The following HMCN2 variants were observed in gnomAD, a reference collection of about 807,000 sequenced individuals.
HMCN2 encodes hemicentin-2.
Under a neutral mutation model 377.5 loss-of-function variants are expected in HMCN2, and 325 were observed. The observed-to-expected ratio is 0.86, with a 90% CI of 0.79 to 0.94. The LOEUF is 0.94. HMCN2 is among the 40% of genes least tolerant of loss of function. The pLI, the probability that HMCN2 is intolerant of heterozygous loss-of-function variation, is 0.00. For missense variants in HMCN2, 4,543 were observed against 4,725.3 expected, an observed-to-expected ratio of 0.96 and a Z score of 1.13; for synonymous variants, 2,007 against 2,046.8, an observed-to-expected ratio of 0.98 and a Z score of 0.53.
At chr9:130,410,697 G>A (rs572549464) in intron 85 of HMCN2, 45 bp downstream of exon 85, 42 of 1,514,638 alleles carry the variant, frequency 2.8e-5, no homozygotes, top group Admixed American at 3.9e-5. Flanking sequence ...AAGTGTGCTC[G>A]GGGACAGCGG....
At chr9:130,322,319 AATCTATCTATCT>A (rs1203579796) in intron 19 of HMCN2, among the ~76,000 whole-genome samples, 6 of 149,382 alleles carry the variant, frequency 4.0e-5, no homozygotes, top group African/African-American at 1.5e-4. Flanking sequence ...CTATCTATCT[AATCTATCTATCT>A]ATCTATCTAT....
chr9:130,292,981 T>TCTATCTAC (rs1554930552), intron 4 of HMCN2, among the ~76,000 whole-genome samples: 40 of 141,702 alleles, frequency 2.8e-4, no homozygotes, highest in African/African-American at 9.3e-4. Context: ...TATCTATCTA[T>TCTATCTAC]CTATCTATCT....
Position 130,357,913 on chromosome 9 carries a change from G to A in HMCN2, c.5505G>A (p.Gly1835=), listed in dbSNP as rs1267224967. ...AGCCTGTGACCCTCCAGTGCATAGGGGATGGGGTGCCCACCCCAAGCCTCC... is the reference window on the plus strand; with the variant it reads ...AGCCTGTGACCCTCCAGTGCATAGGAGATGGGGTGCCCACCCCAAGCCTCC... ...FLQPVTLQCI[G]DGVPTPSLRW... is the part of the protein sequence containing the mutation. Residue 1835 remains glycine, a synonymous_variant, in exon 35 of 98, where the codon GGG becomes GGA. Transcript: ENST00000683500. 3.8e-6 allele frequency: 5 copies of A among 1,304,196 alleles called. No individual in the cohort carries two copies. The highest frequency in any genetic ancestry group is 4.0e-6 in the Non-Finnish European group (4 of 988,894). 80.8% of individuals were successfully genotyped at this position (1,304,196 alleles called of 1,614,324 possible). A position where few individuals can be genotyped will look rare whatever the true frequency, so the allele number is the denominator to read the frequency against.
chr9:130,284,162 T>C (rs1554926721), intron 1 of HMCN2, among the ~76,000 whole-genome samples: 2 of 152,234 alleles, frequency 1.3e-5, no homozygotes, highest in South Asian at 4.1e-4. Flanking sequence ...TTTTCTTTTG[T>C]TGAGCAGCTG....
rs536083061 is a variant in HMCN2 at position 130,422,236 on chromosome 9, T to C, written c.13232-341T>C. Among the ~76,000 whole-genome samples, 1 of 152,196 alleles carries C rather than the reference T, an allele frequency of 6.6e-6. No homozygotes were observed. The highest frequency in any genetic ancestry group is 1.5e-5 in the Non-Finnish European group (1 of 68,042). On this transcript the variant is annotated intron_variant, in intron 86 of 97. Transcript: ENST00000683500. This position sits in a 1 kb window ranked among gnomAD's most constrained non-coding sequence, Gnocchi z 4.2. ...CGGCATTTCAGAGACCCACAGGTCT[T>C]CTGTGAGTTTGTGGTCCCGCCTCCT... is the stretch of plus-strand genomic sequence containing the variant.
rs1300514842 is a variant in HMCN2, at chr9:130,341,249, G to A, written c.3626G>A (p.Gly1209Glu). ...SKDGVVLQGR[G>E]PQGSVHFAAI... ...GATGGCGTGGTGTTGCAGGGCCGGG[G>A]GCCTCAGGGCTCCGTCCACTTCGCA... Residue 1209 changes from glycine (G) to glutamate (E), a missense_variant, in exon 24 of 98, where the codon GGG becomes GAG. By Grantham distance (98) the Gly-to-Glu change is moderately conservative. Around this residue, in one of 5 missense-constraint regions of HMCN2, gnomAD observed 547 missense variants for 189.9 expected, o/e 2.88. Transcript: ENST00000683500. 2 of 152,334 alleles carry A rather than the reference G, an allele frequency of 1.3e-5. No individual in the cohort carries two copies. The highest frequency in any genetic ancestry group is 2.4e-5 in the African/African-American group (1 of 41,462). The allele number at this position is 152,334 out of a possible 1,614,324, so 9.4% of individuals were successfully genotyped here. A position where few individuals can be genotyped will look rare whatever the true frequency, so the allele number is the denominator to read the frequency against.
At chr9:130,323,786 T>C (rs1837975638) in intron 19 of HMCN2, among the ~76,000 whole-genome samples, 1 of 152,100 alleles carries the variant, frequency 6.6e-6, no homozygotes, top group Non-Finnish European at 1.5e-5. Flanking sequence ...CACTGCCACC[T>C]CCACTTCCCG....
rs1269495420 is a variant in HMCN2 at position 130,433,613 on chromosome 9, C to T, written c.15160C>T (p.Arg5054Trp). The T allele has an allele frequency of 6.6e-7, 1 of 1,519,346 alleles. No homozygotes were observed. The highest frequency in any genetic ancestry group is 8.8e-7 in the Non-Finnish European group (1 of 1,134,496). The allele number at this position is 1,519,346 out of a possible 1,614,324, so 94.1% of individuals were successfully genotyped here. Reference protein sequence around the residue: ...RRALTRAGLYRLTVRAAAPRH... With the variant: ...RRALTRAGLYWLTVRAAAPRH... Reference sequence around the variant, plus strand: ...CGCGCTCACCCGCGCCGGCCTCTACCGGCTCACCGTGCGTGCTGCGGCACC... The same window carrying T: ...CGCGCTCACCCGCGCCGGCCTCTACTGGCTCACCGTGCGTGCTGCGGCACC... The change falls in exon 98 of 98, where the codon CGG becomes TGG. Residue 5054 changes from arginine (R) to tryptophan (W), a missense_variant. By Grantham distance (101) the Arg-to-Trp change is moderately radical. Around this residue, in one of 5 missense-constraint regions of HMCN2, gnomAD observed 1,155 missense variants for 1,157.7 expected, o/e 1.00. Transcript: ENST00000683500.
At chr9:130,336,189 T>C in intron 22 of HMCN2, among the ~76,000 whole-genome samples, 1 of 152,110 alleles carries the variant, frequency 6.6e-6, no homozygotes, top group Non-Finnish European at 1.5e-5. Flanking sequence ...AAATGTCCAC[T>C]CAAAAGGGAG....
chr9:130,403,184 T>G lies in HMCN2; in HGVS notation c.11879-10T>G. On this transcript the variant is annotated splice_polypyrimidine_tract_variant and intron_variant, in intron 78 of 97. Transcript: ENST00000683500. ...ATTCTCAGGGCCCTCTGCACCCCCG[T>G]CCTTTGTAGCCTCCCCGGTGGTGAA... is the stretch of plus-strand genomic sequence containing the variant. The G allele has an allele frequency of 7.8e-7, 1 of 1,287,798 alleles. No homozygotes were observed. The highest frequency in any genetic ancestry group is 1.2e-5 in the South Asian group (1 of 80,834). 79.8% of individuals were successfully genotyped at this position (1,287,798 alleles called of 1,614,324 possible). A position where few individuals can be genotyped will look rare whatever the true frequency, so the allele number is the denominator to read the frequency against.
chr9:130,326,293 C>T (rs1205872597), intron 21 of HMCN2, among the ~76,000 whole-genome samples: 1 of 152,098 alleles, frequency 6.6e-6, no homozygotes, highest in Non-Finnish European at 1.5e-5. Flanking sequence ...CTCAGCTCTC[C>T]CTGTTCCCCC....
Position 130,302,944 on chromosome 9 carries a change from C to T in HMCN2, c.1364C>T (p.Pro455Leu), listed in dbSNP as rs782327575. ...TCCTGCTCGGTGCACAGTGCCCTTC[C>T]CTTCCGGCTGCAGCTGCGGCGAGGT... The part of the protein sequence containing the change: ...LVSCSVHSAL[P>L]FRLQLRRGEA... The change falls in exon 9 of 98, where the codon CCC becomes CTC. Residue 455 changes from proline (P) to leucine (L), a missense_variant. Pro to Leu is a moderately conservative substitution (Grantham distance 98). Transcript: ENST00000683500. 11 of 470,810 alleles carry T rather than the reference C, an allele frequency of 2.3e-5. No individual in the cohort carries two copies. Among genetic ancestry groups the T allele is most frequent in the South Asian group, 1.7e-4 (11 of 64,534 alleles). 29.2% of individuals were successfully genotyped at this position (470,810 alleles called of 1,614,324 possible).
At chr9:130,424,004 G>A (rs536971292) in intron 87 of HMCN2, among the ~76,000 whole-genome samples, 2 of 150,878 alleles carry the variant, frequency 1.3e-5, no homozygotes, top group South Asian at 4.2e-4. Flanking sequence ...TTTTGAGACT[G>A]CTTCTCGCTT....
chr9:130,299,888 C>T (rs570485406), intron 8 of HMCN2, among the ~76,000 whole-genome samples: 1 of 151,446 alleles, frequency 6.6e-6, no homozygotes, highest in South Asian at 2.1e-4. Flanking sequence ...CTCACCCATC[C>T]ATCTACCCAC....
intron 4 of HMCN2, among the ~76,000 whole-genome samples, chr9:130,289,901 C>CG (rs2131295496): frequency 6.6e-6 from 1 of 152,314 alleles, no homozygotes; most frequent in South Asian, 2.1e-4. Flanking sequence ...ATCTGTGCCT[C>CG]GGGGGCCCAT....
chr9:130,307,354 G>A (rs1836930311), intron 13 of HMCN2, 99 bp from the exon 14 acceptor site: 2 of 457,274 alleles, frequency 4.4e-6, no homozygotes, highest in Non-Finnish European at 4.6e-6. Flanking sequence ...GGCCGGTGTG[G>A]TGAGTTGGGA....
At chr9:130,416,218 C>T (rs1843692015) in intron 85 of HMCN2, among the ~76,000 whole-genome samples, 1 of 151,320 alleles carries the variant, frequency 6.6e-6, no homozygotes, top group Non-Finnish European at 1.5e-5. Flanking sequence ...GATTCTCCTG[C>T]CTCAGCCTCC....
Position 130,410,670 on chromosome 9 carries a change from C to T in HMCN2, c.12961+18C>T. The T allele has an allele frequency of 6.5e-7, 1 of 1,549,334 alleles. No homozygotes were observed. The highest frequency in any genetic ancestry group is 8.7e-7 in the Non-Finnish European group (1 of 1,145,892). On this transcript the variant is annotated intron_variant, in intron 85 of 97. Coordinates refer to ENST00000683500, the MANE Select transcript of HMCN2 (RefSeq NM_001291815.2). ...CCTGCAGAGTGAGTCTCGGCCTCAG[C>T]AGAGTGGGGACGTGGGAAGTGTGCT...
intron 1 of HMCN2, among the ~76,000 whole-genome samples, chr9:130,273,383 C>T (rs1554921853): frequency 6.6e-6 from 1 of 152,152 alleles, no homozygotes; most frequent in East Asian, 1.9e-4. Context: ...AATTATAATA[C>T]TGTCGCTTCT....
Sources: gnomAD v4.1 joint callset for allele counts (sites outside exome capture counted in the v4.1 genomes callset) on GRCh38, gnomAD v4.1.1 for gene constraint, gnomAD v4.1.1 regional missense constraint, Gnocchi (gnomAD v3.1) non-coding constraint, MANE v1.5 for transcripts, NCBI Gene and HGNC (gene_info 2026-07-23, HGNC 2026-07-21) for gene names.